The following FAM117B variants were observed in gnomAD, a reference collection of about 807,000 sequenced individuals.
FAM117B encodes protein FAM117B.
FAM117B carries 22 observed loss-of-function variants against 52.8 expected under a neutral mutation model. That is an observed-to-expected ratio of 0.42 (90% CI 0.30 to 0.59). The LOEUF is 0.59. Ranked by LOEUF, FAM117B falls within the 20% of genes least tolerant of loss-of-function variation. The pLI is 0.22. For synonymous variants in FAM117B, 309 were observed against 324.1 expected, an observed-to-expected ratio of 0.95 and a Z score of 0.50; for missense variants, 678 against 802.6, an observed-to-expected ratio of 0.84 and a Z score of 1.88.
chr2:202,695,747 C>A, intron 1 of FAM117B, 134 bp from the exon 2 acceptor site: 1 of 888,650 alleles, frequency 1.1e-6, no homozygotes, highest in Non-Finnish European at 1.6e-6. Flanking sequence ...TACTGGGGGT[C>A]TTGGAAGTAT....
In FAM117B at chr2:202,656,001, G is replaced by T. The variant is rs189319387; in HGVS notation, c.601+20213G>T. The stretch of plus-strand genomic sequence containing the variant: ...AGCTTTGGTAGATTGTGTCTTTCAA[G>T]GAATTGGTTTATTTGTGGACATGCA... On this transcript the variant is annotated intron_variant, in intron 1 of 7. Transcript: ENST00000392238. 2.4e-3 allele frequency among the ~76,000 whole-genome samples: 367 copies of T among 152,240 alleles called. 2 individuals carry two copies. The highest frequency in any genetic ancestry group is 8.3e-3 in the African/African-American group (346 of 41,534).
At position 202,669,952 on chromosome 2, in the gene FAM117B, A is replaced by G. The variant is rs1690266247; in HGVS notation, c.602-25929A>G. On this transcript the variant is annotated intron_variant, in intron 1 of 7. Coordinates refer to ENST00000392238, the MANE Select transcript of FAM117B (RefSeq NM_173511.4). ...ATAGATGTGGCCACAAAAATTAAGT[A>G]CTTTCAGGACATTCTCTTAATTTCT... 2.0e-5 allele frequency among the ~76,000 whole-genome samples: 3 copies of G among 152,200 alleles called. No individual in the cohort carries two copies. The South Asian group carries it at 6.2e-4, about 32-fold the overall frequency.
chr2:202,759,473 C>A, intron 7 of FAM117B, 120 bp downstream of exon 7: 1 of 1,282,466 alleles, frequency 7.8e-7, no homozygotes, highest in Non-Finnish European at 1.0e-6. Context: ...CACACTGCAA[C>A]CTCTACCTCC....
chr2:202,741,966 CTAAA>C (rs1649853887), intron 4 of FAM117B, among the ~76,000 whole-genome samples: 1 of 152,134 alleles, frequency 6.6e-6, no homozygotes, highest in Non-Finnish European at 1.5e-5. Context: ...GCAAAAACAA[CTAAA>C]TACTTAAGAA....
chr2:202,694,390 C>T (rs1690677982), intron 1 of FAM117B, among the ~76,000 whole-genome samples: 1 of 151,612 alleles, frequency 6.6e-6, no homozygotes, highest in Non-Finnish European at 1.5e-5. Flanking sequence ...GGGGTTTCGC[C>T]ATGTTGGCCA....
chr2:202,648,229 G>T (rs770694534), intron 1 of FAM117B, among the ~76,000 whole-genome samples: 3 of 152,132 alleles, frequency 2.0e-5, no homozygotes, highest in Non-Finnish European at 4.4e-5. Context: ...GCATATGTCA[G>T]CTGGGCTTGT....
In FAM117B at chr2:202,635,014, C is replaced by T. The variant is rs867666166; in HGVS notation, c.-174C>T. Among the ~76,000 whole-genome samples, 48 of 151,260 alleles carry T rather than the reference C, an allele frequency of 3.2e-4. No homozygotes were observed. Among genetic ancestry groups the T allele is most frequent in the African/African-American group, 1.0e-3 (43 of 41,252 alleles). ...TGAGGAGCGGCGGCGGCGGCGGCGGCGGCTGCACCACCTCGTTGCTGCCTG... is the reference window on the plus strand; with the variant it reads ...TGAGGAGCGGCGGCGGCGGCGGCGGTGGCTGCACCACCTCGTTGCTGCCTG... On this transcript the variant is annotated 5_prime_UTR_variant, in exon 1 of 8. Transcript: ENST00000392238.
Position 202,768,561 on chromosome 2 carries a change from A to G in FAM117B, c.*2797A>G, listed in dbSNP as rs560755346. 14 of 152,754 alleles carry G rather than the reference A, an allele frequency of 9.2e-5. No homozygotes were observed. The highest frequency in any genetic ancestry group is 3.4e-4 in the African/African-American group (14 of 41,584). The allele number at this position is 152,754 out of a possible 1,614,324, so 9.5% of individuals were successfully genotyped here. ...AAGCTTTACCACAGTCTTGAAAAAA[A>G]TATTAACCATAGGTTCATTCAGCTG... On this transcript the variant is annotated 3_prime_UTR_variant, in exon 8 of 8. Coordinates refer to ENST00000392238, the MANE Select transcript of FAM117B (RefSeq NM_173511.4).
chr2:202,755,964 A>G (rs1691795331), intron 5 of FAM117B, among the ~76,000 whole-genome samples: 1 of 152,202 alleles, frequency 6.6e-6, no homozygotes, highest in Non-Finnish European at 1.5e-5. Flanking sequence ...TATTTGCTGT[A>G]ACTCCAGTTA....
chr2:202,709,313 A>G (rs1001797055), intron 2 of FAM117B, among the ~76,000 whole-genome samples: 3 of 150,824 alleles, frequency 2.0e-5, no homozygotes, highest in Admixed American at 2.0e-4. Flanking sequence ...AGCGATTCTC[A>G]TGTCTCAGCC....
At chr2:202,708,796 G>A (rs1404130284) in intron 2 of FAM117B, among the ~76,000 whole-genome samples, 1 of 152,096 alleles carries the variant, frequency 6.6e-6, no homozygotes, top group African/African-American at 2.4e-5. Flanking sequence ...TAGAGATGGA[G>A]TGTCACTTTG....
chr2:202,702,066 G>T (rs149618805), intron 2 of FAM117B, among the ~76,000 whole-genome samples: 1 of 152,176 alleles, frequency 6.6e-6, no homozygotes, highest in Admixed American at 6.6e-5. Flanking sequence ...ACCTGAGTCC[G>T]TTGATGCAGC....
At chr2:202,730,578 G>A (rs142333184) in intron 4 of FAM117B, among the ~76,000 whole-genome samples, 24 of 152,278 alleles carry the variant, frequency 1.6e-4, no homozygotes, top group African/African-American at 5.3e-4. Flanking sequence ...GCTGAGGCAC[G>A]AGAATAGCTT....
chr2:202,692,699 C>T (rs922137300), intron 1 of FAM117B, among the ~76,000 whole-genome samples: 4 of 152,196 alleles, frequency 2.6e-5, no homozygotes, highest in Admixed American at 6.5e-5. Context: ...GTATCATCTT[C>T]GAATTTGACT....
chr2:202,767,635 T>G lies in FAM117B; in HGVS notation c.*1871T>G, dbSNP rs865857830. The G allele has an allele frequency of 6.6e-6, 1 of 152,218 alleles. No individual in the cohort carries two copies. Among genetic ancestry groups the G allele is most frequent in the African/African-American group, 2.4e-5 (1 of 41,454 alleles). The allele number at this position is 152,218 out of a possible 1,614,324, so 9.4% of individuals were successfully genotyped here. A position where few individuals can be genotyped will look rare whatever the true frequency, so the allele number is the denominator to read the frequency against. ...GAGGATGCAGTTTAGAAGGTTAATATGTCAGCTTACCCAGACATATTCTAT... is the reference window on the plus strand; with the variant it reads ...GAGGATGCAGTTTAGAAGGTTAATAGGTCAGCTTACCCAGACATATTCTAT... On this transcript the variant is annotated 3_prime_UTR_variant, in exon 8 of 8. Coordinates refer to ENST00000392238, the MANE Select transcript of FAM117B (RefSeq NM_173511.4).
intron 7 of FAM117B, among the ~76,000 whole-genome samples, chr2:202,760,949 C>T (rs983675652): frequency 6.6e-6 from 1 of 152,204 alleles, no homozygotes; most frequent in African/African-American, 2.4e-5. Context: ...CTCTGTCACC[C>T]AGGCTGGAGT....
At chr2:202,658,544 C>T (rs1346181615) in intron 1 of FAM117B, among the ~76,000 whole-genome samples, 1 of 152,098 alleles carries the variant, frequency 6.6e-6, no homozygotes, top group Non-Finnish European at 1.5e-5. Context: ...TCAAGTGATC[C>T]ACCCGTTTTG....
chr2:202,765,277 G>T (rs1691957343), intron 7 of FAM117B, among the ~76,000 whole-genome samples, 169 bp from the exon 8 acceptor site: 1 of 151,592 alleles, frequency 6.6e-6, no homozygotes, highest in Non-Finnish European at 1.5e-5. Context: ...ATAGCACTTT[G>T]GTCCTTTATG....
chr2:202,635,118 A>T lies in FAM117B; in HGVS notation c.-70A>T, dbSNP rs1208772254. The T allele has an allele frequency of 8.0e-7, 1 of 1,248,092 alleles. No individual in the cohort carries two copies. The highest frequency in any genetic ancestry group is 3.2e-5 in the East Asian group (1 of 31,684). 77.3% of individuals were successfully genotyped at this position (1,248,092 alleles called of 1,614,324 possible). A position where few individuals can be genotyped will look rare whatever the true frequency, so the allele number is the denominator to read the frequency against. ...GGGGGGCCTGCCCTCCGGCCTCGAG[A>T]ATCCTCCCCCTGCAGCCCAACAACA... On this transcript the variant is annotated 5_prime_UTR_variant, in exon 1 of 8. Transcript: ENST00000392238.
Sources: allele counts gnomAD v4.1 joint callset (sites outside exome capture counted in the v4.1 genomes callset), GRCh38; gene constraint gnomAD v4.1.1; transcripts MANE v1.5; gene names NCBI Gene and HGNC (gene_info 2026-07-23, HGNC 2026-07-21).